The following SSBP2 variants were observed in gnomAD, a reference collection of about 807,000 sequenced individuals.
The protein encoded by SSBP2 is single-stranded DNA-binding protein 2.
In SSBP2, 17 loss-of-function variants were observed where a neutral mutation model predicts 61.8. The observed-to-expected ratio is 0.28, with a 90% CI of 0.19 to 0.41. The LOEUF (loss-of-function observed/expected upper bound fraction) is 0.41, where lower values mean the gene tolerates loss of function less well. Ranked by LOEUF, SSBP2 falls within the 10% of genes least tolerant of loss-of-function variation. The probability of loss-of-function intolerance (pLI) is 1.00; values close to 1 mark genes in which losing one functional copy is unlikely to be tolerated. For synonymous variants in SSBP2, 139 were observed against 141.3 expected (o/e 0.98, Z 0.12); for missense variants, 310 against 458.7 (o/e 0.68, Z 2.96).
chr5:81,612,793 A>G (rs995244922), intron 4 of SSBP2, among the ~76,000 whole-genome samples: 2 of 152,066 alleles, frequency 1.3e-5, no homozygotes, highest in Admixed American at 6.5e-5. Flanking sequence ...GTAGGTAAAC[A>G]TATTAATTAC....
intron 2 of SSBP2, among the ~76,000 whole-genome samples, chr5:81,648,388 C>T (rs1749451984): frequency 6.6e-6 from 1 of 152,048 alleles, no homozygotes; most frequent in Admixed American, 6.6e-5. Flanking sequence ...CAACTGAGTT[C>T]TTACATGTTC....
chr5:81,729,954 CCTATT>C (rs1412326871), intron 1 of SSBP2, among the ~76,000 whole-genome samples: 1 of 151,800 alleles, frequency 6.6e-6, no homozygotes. Flanking sequence ...ATTTAAAATA[CCTATT>C]CTAAAGGATT....
At chr5:81,649,556 G>T (rs1040075870) in intron 2 of SSBP2, among the ~76,000 whole-genome samples, 1 of 152,072 alleles carries the variant, frequency 6.6e-6, no homozygotes, top group African/African-American at 2.4e-5. Context: ...TCACTTAGAA[G>T]TGGGAGCTAC....
chr5:81,640,899 C>G (rs920212743), intron 2 of SSBP2, among the ~76,000 whole-genome samples: 2 of 152,200 alleles, frequency 1.3e-5, no homozygotes, highest in African/African-American at 4.8e-5. Context: ...CCAACGTACT[C>G]AGACACACTA....
intron 4 of SSBP2, among the ~76,000 whole-genome samples, chr5:81,601,867 C>T (rs1744397816): frequency 6.6e-6 from 1 of 152,142 alleles, no homozygotes; most frequent in Non-Finnish European, 1.5e-5. Context: ...GAACTAAAGA[C>T]ACAAATCATC....
At chr5:81,465,965 T>C (rs1764865089) in intron 9 of SSBP2, among the ~76,000 whole-genome samples, 2 of 152,012 alleles carry the variant, frequency 1.3e-5, no homozygotes, top group Admixed American at 1.3e-4. Context: ...GCAAATTTGC[T>C]TTCCATGAAA....
intron 16 of SSBP2, among the ~76,000 whole-genome samples, chr5:81,426,830 C>G (rs1478794434): frequency 6.6e-6 from 1 of 152,116 alleles, no homozygotes; most frequent in East Asian, 1.9e-4. Flanking sequence ...TTGTCACTGC[C>G]CATAAGTGAA....
chr5:81,628,574 G>C (rs1747404495), intron 3 of SSBP2, among the ~76,000 whole-genome samples: 1 of 152,242 alleles, frequency 6.6e-6, no homozygotes, highest in African/African-American at 2.4e-5. Context: ...AAGCTTATTG[G>C]CATTTTTATT....
rs1311492521 is a variant in SSBP2 at position 81,432,946 on chromosome 5, C to T, written c.958-4263G>A. ...CGGGAGGGAGGTGGGGGGGGTCAGCCCCCCGCCCAGCCAGCCGCCCCGTCC... is the reference window on the plus strand; with the variant it reads ...CGGGAGGGAGGTGGGGGGGGTCAGCTCCCCGCCCAGCCAGCCGCCCCGTCC... On this transcript the variant is annotated intron_variant, in intron 15 of 16. Transcript: ENST00000320672. Among the ~76,000 whole-genome samples, 94 of 143,072 alleles carry T rather than the reference C, an allele frequency of 6.6e-4. 1 individual carries two copies. Among genetic ancestry groups the T allele is most frequent in the African/African-American group, 2.4e-3 (92 of 37,916 alleles). The allele number at this position is 143,072 out of a possible 152,430, so 93.9% of individuals were successfully genotyped here. A position where few individuals can be genotyped will look rare whatever the true frequency, so the allele number is the denominator to read the frequency against.
At chr5:81,605,068 A>G (rs1209018375) in intron 4 of SSBP2, among the ~76,000 whole-genome samples, 2 of 152,086 alleles carry the variant, frequency 1.3e-5, no homozygotes, top group Non-Finnish European at 2.9e-5. Flanking sequence ...TATTTTCCCT[A>G]CTAGCTTAGA....
intron 5 of SSBP2, among the ~76,000 whole-genome samples, chr5:81,500,033 C>A (rs918373679): frequency 1.3e-5 from 2 of 152,116 alleles, no homozygotes; most frequent in African/African-American, 4.8e-5. Flanking sequence ...AAGAAACTGG[C>A]CTATGGGCTT....
chr5:81,641,811 A>C (rs1007881245), intron 2 of SSBP2, among the ~76,000 whole-genome samples: 2 of 152,202 alleles, frequency 1.3e-5, no homozygotes, highest in African/African-American at 4.8e-5. Flanking sequence ...GTGTGCTATC[A>C]TTAAAAAGAA....
chr5:81,648,244 TAGAA>T (rs1749438455), intron 2 of SSBP2, among the ~76,000 whole-genome samples: 1 of 152,140 alleles, frequency 6.6e-6, no homozygotes, highest in African/African-American at 2.4e-5. Flanking sequence ...GAATGCGACT[TAGAA>T]AGGTCATTGC....
intron 1 of SSBP2, among the ~76,000 whole-genome samples, chr5:81,654,110 C>T (rs1292450902): frequency 6.6e-6 from 1 of 151,874 alleles, no homozygotes; most frequent in East Asian, 1.9e-4. Flanking sequence ...ACTACAGTCA[C>T]ACACCACCAC....
intron 4 of SSBP2, among the ~76,000 whole-genome samples, chr5:81,525,199 G>A (rs1447567467): frequency 6.6e-6 from 1 of 151,880 alleles, no homozygotes; most frequent in Non-Finnish European, 1.5e-5. Flanking sequence ...AAAACTTTTA[G>A]GTTCAGGGGT....
At chr5:81,653,333 T>C (rs1289476191) in intron 1 of SSBP2, among the ~76,000 whole-genome samples, 1 of 152,208 alleles carries the variant, frequency 6.6e-6, no homozygotes, top group Non-Finnish European at 1.5e-5. Flanking sequence ...ACATTTTCTT[T>C]ATCCAGTCTA....
chr5:81,486,772 T>G (rs988980661), intron 6 of SSBP2, among the ~76,000 whole-genome samples: 2 of 152,196 alleles, frequency 1.3e-5, no homozygotes, highest in African/African-American at 4.8e-5. Context: ...CATCTTCCCC[T>G]GCCCCGATGT....
chr5:81,550,374 A>T (rs1035183003), intron 4 of SSBP2, among the ~76,000 whole-genome samples: 1 of 152,238 alleles, frequency 6.6e-6, no homozygotes. Flanking sequence ...ACAAAACCTC[A>T]TTCAGCACCT....
chr5:81,456,201 T>C (rs1406124972), intron 10 of SSBP2, among the ~76,000 whole-genome samples: 1 of 152,334 alleles, frequency 6.6e-6, no homozygotes, highest in East Asian at 1.9e-4. Context: ...TATTAATAGA[T>C]GCATATTTTC....
Sources: gnomAD v4.1 joint callset for allele counts (sites outside exome capture counted in the v4.1 genomes callset) on GRCh38, gnomAD v4.1.1 for gene constraint, MANE v1.5 for transcripts, NCBI Gene and HGNC (gene_info 2026-07-23, HGNC 2026-07-21) for gene names.